Variants in PPP2R5C observed in about 807,000 individuals in gnomAD.
PPP2R5C encodes the protein serine/threonine-protein phosphatase 2A 56 kDa regulatory subunit gamma isoform.
A neutral mutation model predicts 68.9 loss-of-function variants in PPP2R5C; 7 were observed. That is an observed-to-expected ratio of 0.10 (90% confidence interval 0.06 to 0.19). PPP2R5C has a LOEUF of 0.19. PPP2R5C is among the 10% of genes least tolerant of loss of function. PPP2R5C has a pLI of 1.00. For missense variants in PPP2R5C, 348 were observed against 641.3 expected (o/e 0.54, Z 4.94); for synonymous variants, 210 against 222.2 (o/e 0.95, Z 0.49).
intron 3 of PPP2R5C, among the ~76,000 whole-genome samples, chr14:101,787,085 C>T (rs2038126647): frequency 6.6e-6 from 1 of 152,084 alleles, no homozygotes; most frequent in Admixed American, 6.5e-5. Flanking sequence ...GACTCCGTCT[C>T]TACAAAAAAA....
intron 2 of PPP2R5C, chr14:101,767,098 C>G (rs1029740904): frequency 6.6e-6 from 1 of 152,228 alleles, no homozygotes; most frequent in Non-Finnish European, 1.5e-5. Flanking sequence ...GCAACTCTTA[C>G]ATAATATCTG....
intron 1 of PPP2R5C, among the ~76,000 whole-genome samples, chr14:101,848,644 C>T (rs573949529): frequency 1.2e-4 from 19 of 152,164 alleles, no homozygotes; most frequent in African/African-American, 4.3e-4. Context: ...TCGGTGTTGA[C>T]GCATCTAAAA....
chr14:101,784,734 C>T (rs2038007347), intron 2 of PPP2R5C, among the ~76,000 whole-genome samples: 1 of 152,218 alleles, frequency 6.6e-6, no homozygotes, highest in Non-Finnish European at 1.5e-5. Flanking sequence ...CATATGCAGA[C>T]ACAGACTCCC....
At chr14:101,775,225 A>G (rs1056082266) in intron 2 of PPP2R5C, among the ~76,000 whole-genome samples, 4 of 152,350 alleles carry the variant, frequency 2.6e-5, no homozygotes, top group South Asian at 2.1e-4. Context: ...TGAACAATAA[A>G]TATCTTATAT....
Position 101,797,447 on chromosome 14 carries a change from C to T in PPP2R5C, c.259+11264C>T, listed in dbSNP as rs1044566690. ...ACCCAGGAAACACACAGTGTGTCTC[C>T]TGAAGGAATGAAAAGCCCTCCTGGC... On this transcript the variant is annotated intron_variant, in intron 3 of 14. Transcript: ENST00000328724. This position sits in a 1 kb window ranked among gnomAD's most constrained non-coding sequence, Gnocchi z 4.2. 1 of 374,484 alleles carries T rather than the reference C, an allele frequency of 2.7e-6. No individual in the cohort carries two copies. Among genetic ancestry groups the T allele is most frequent in the Non-Finnish European group, 5.4e-6 (1 of 184,882 alleles). The allele number at this position is 374,484 out of a possible 1,614,324, so 23.2% of individuals were successfully genotyped here.
intron 1 of PPP2R5C, among the ~76,000 whole-genome samples, chr14:101,849,999 A>G (rs1268027786): frequency 6.6e-6 from 1 of 152,194 alleles, no homozygotes; most frequent in Non-Finnish European, 1.5e-5. Context: ...TTTAGAATCC[A>G]TGTATTCAGT....
chr14:101,882,526 C>T lies in PPP2R5C; in HGVS notation c.405+255C>T. The T allele has an allele frequency of 3.0e-6, 1 of 328,042 alleles. No individual in the cohort carries two copies. The highest frequency in any genetic ancestry group is 5.1e-5 in the East Asian group (1 of 19,602). 20.3% of individuals were successfully genotyped at this position (328,042 alleles called of 1,614,324 possible). A position where few individuals can be genotyped will look rare whatever the true frequency, so the allele number is the denominator to read the frequency against. On this transcript the variant is annotated intron_variant, in intron 3 of 13. Transcript: ENST00000334743. The surrounding 1 kb of genome is among the most constrained non-coding windows in gnomAD (Gnocchi z 4.9). ...GTGAAGATGGCCGCTGTGTTGATGGCCGTTGAATTGAATTCAGGCCCAGAG... is the reference window on the plus strand; with the variant it reads ...GTGAAGATGGCCGCTGTGTTGATGGTCGTTGAATTGAATTCAGGCCCAGAG...
At chr14:101,761,424 C>T (rs1279480648), upstream of PPP2R5C, among the ~76,000 whole-genome samples, 1 of 151,290 alleles carries the variant, frequency 6.6e-6, no homozygotes, top group Non-Finnish European at 1.5e-5. Flanking sequence ...GCCAGGAGGC[C>T]GCGGCCTGCC....
At chr14:101,790,839 G>A (rs1310335974) in intron 3 of PPP2R5C, among the ~76,000 whole-genome samples, 7 of 152,250 alleles carry the variant, frequency 4.6e-5, no homozygotes, top group African/African-American at 1.7e-4. Flanking sequence ...CCAGCACTTC[G>A]GGAGGCCGAG....
At chr14:101,780,877 A>G (rs1056556888) in intron 2 of PPP2R5C, among the ~76,000 whole-genome samples, 1 of 152,174 alleles carries the variant, frequency 6.6e-6, no homozygotes, top group African/African-American at 2.4e-5. Flanking sequence ...GTTGGGGTCC[A>G]GCATTTGGCT....
At chr14:101,846,761 T>C (rs1566901014) in intron 1 of PPP2R5C, among the ~76,000 whole-genome samples, 1 of 152,194 alleles carries the variant, frequency 6.6e-6, no homozygotes, top group Non-Finnish European at 1.5e-5. Flanking sequence ...TCATGGGCTG[T>C]AGCTAAGGGC....
chr14:101,770,361 C>G (rs1266058692), intron 2 of PPP2R5C, among the ~76,000 whole-genome samples: 2 of 152,154 alleles, frequency 1.3e-5, no homozygotes, highest in African/African-American at 4.8e-5. Context: ...GTGGCTGTTT[C>G]CATCATTTTT....
At chr14:101,836,476 G>A in intron 1 of PPP2R5C, 2 of 653,134 alleles carry the variant, frequency 3.1e-6, no homozygotes, top group Non-Finnish European at 2.8e-6. Flanking sequence ...CTGTTATTTT[G>A]GAAACTTATG....
intron 8 of PPP2R5C, among the ~76,000 whole-genome samples, chr14:101,898,090 G>C (rs972641734): frequency 6.6e-6 from 1 of 152,140 alleles, no homozygotes; most frequent in Non-Finnish European, 1.5e-5. Context: ...AGCCCAGGGG[G>C]TCAAGGCTGC....
chr14:101,909,559 C>T, intron 10 of PPP2R5C, 30 bp from the exon 13 acceptor site: 1 of 1,506,410 alleles, frequency 6.6e-7, no homozygotes. Context: ...AATGCGTGCT[C>T]CCAGGCTCAC....
chr14:101,901,215 C>T (rs1173648085), intron 8 of PPP2R5C, among the ~76,000 whole-genome samples: 6 of 152,120 alleles, frequency 3.9e-5, no homozygotes, highest in Admixed American at 2.0e-4. Flanking sequence ...TGATAATGCT[C>T]TGTGTTTTCT....
intron 3 of PPP2R5C, 130 bp downstream of exon 3, chr14:101,786,313 GTTTTT>G: frequency 1.8e-6 from 1 of 549,502 alleles, no homozygotes; most frequent in Non-Finnish European, 2.8e-6. Flanking sequence ...GTATTGAGGG[GTTTTT>G]TTTTTTTTAG....
At chr14:101,894,825 A>G (rs972255503) in intron 8 of PPP2R5C, among the ~76,000 whole-genome samples, 6 of 152,208 alleles carry the variant, frequency 3.9e-5, no homozygotes, top group African/African-American at 1.4e-4. Context: ...AACGTAAAGC[A>G]CTTGAGCGGT....
chr14:101,787,018 G>A (rs1350681944), intron 3 of PPP2R5C, among the ~76,000 whole-genome samples: 1 of 152,230 alleles, frequency 6.6e-6, no homozygotes, highest in African/African-American at 2.4e-5. Context: ...TTAGGAGGCT[G>A]AGGCAGAAGG....
Sources: allele counts gnomAD v4.1 joint callset (sites outside exome capture counted in the v4.1 genomes callset), GRCh38; gene constraint gnomAD v4.1.1; non-coding constraint Gnocchi (gnomAD v3.1); transcripts MANE v1.5; gene names NCBI Gene and HGNC (gene_info 2026-07-23, HGNC 2026-07-21).